ZNF578: variants seen among roughly 807,000 people sequenced by gnomAD.
ZNF578 encodes the protein Putative chemokine-related protein B42.
A neutral mutation model predicts 8.3 loss-of-function variants in ZNF578; 8 were observed. The ratio of observed to expected loss-of-function variants is 0.96; its 90% CI spans 0.56 to 1.74. The LOEUF is 1.74. Among genes scored for constraint, ZNF578 ranks in the 40% most tolerant of loss-of-function variants. ZNF578 has a pLI of 0.00. For missense variants in ZNF578, 726 were observed against 707.5 expected (o/e 1.03, Z -0.30); for synonymous variants, 206 against 232.2 (o/e 0.89, Z 1.03).
intron 3 of ZNF578, among the ~76,000 whole-genome samples, chr19:52,492,157 C>CAAAAAAAAAAA (rs869249180): frequency 1.5e-5 from 1 of 67,638 alleles, no homozygotes; most frequent in African/African-American, 5.1e-5. Context: ...GATTCTGTCT[C>CAAAAAAAAAAA]AAAAAAAAAA....
intron 5 of ZNF578, among the ~76,000 whole-genome samples, chr19:52,509,539 A>G (rs2059437010): frequency 6.6e-6 from 1 of 152,222 alleles, no homozygotes; most frequent in Non-Finnish European, 1.5e-5. Flanking sequence ...CGGCAATCCC[A>G]GAAATTTGGG....
At chr19:52,474,496 A>C in intron 2 of ZNF578, 1 of 311,132 alleles carries the variant, frequency 3.2e-6, no homozygotes, top group Admixed American at 4.3e-5. Flanking sequence ...AGTATGAATT[A>C]TCCAATGTTC....
In ZNF578 at chr19:52,511,200, C is replaced by A. The variant is rs2059444329; in HGVS notation, c.819C>A (p.Tyr273Ter). Residue 273 changes from tyrosine to a stop codon, truncating the protein, a stop_gained, in exon 6 of 6, where the codon TAC (tyrosine) becomes TAA (stop). Coordinates refer to ENST00000421239, the MANE Select transcript of ZNF578 (RefSeq NM_001099694.2). LOFTEE classifies it low-confidence loss of function (END_TRUNC). ...GCAAAGTCTTTAATGAGAAGCGATA[C>A]CTTGCACGCCATCGTAGATGTCACA... ...ICGKVFNEKR[Y>*]LARHRRCHTS... The A allele has an allele frequency of 5.6e-6, 9 of 1,614,210 alleles. No homozygotes were observed. The highest frequency in any genetic ancestry group is 1.1e-5 in the South Asian group (1 of 91,088).
intron 2 of ZNF578, among the ~76,000 whole-genome samples, chr19:52,462,494 G>T (rs2059261865): frequency 6.6e-6 from 1 of 152,218 alleles, no homozygotes; most frequent in Admixed American, 6.5e-5. Context: ...GCAGGAATGG[G>T]ACATATGCCC....
chr19:52,470,771 T>G (rs7247289), intron 2 of ZNF578, among the ~76,000 whole-genome samples: 1 of 151,792 alleles, frequency 6.6e-6, no homozygotes, highest in African/African-American at 2.4e-5. Context: ...CTTCGGACTC[T>G]GAGGCTTGCA....
At chr19:52,460,586 G>A (rs145169813) in intron 2 of ZNF578, among the ~76,000 whole-genome samples, 18 of 152,264 alleles carry the variant, frequency 1.2e-4, no homozygotes, top group Admixed American at 3.3e-4. Context: ...CTCCCATTCC[G>A]TAGGTTTGCC....
At chr19:52,502,044 T>A in intron 4 of ZNF578, 136 bp downstream of exon 4, 6 of 1,369,178 alleles carry the variant, frequency 4.4e-6, no homozygotes, top group Non-Finnish European at 5.9e-6. Context: ...CACGTTTGCT[T>A]GCACTCACCC....
chr19:52,513,637 G>A lies in ZNF578; in HGVS notation c.*1483G>A, dbSNP rs1290747916. On this transcript the variant is annotated 3_prime_UTR_variant, in exon 6 of 6. Transcript: ENST00000421239. ...CTCAGCTACTCAGGGGGCTGAGGCT[G>A]GACAATGGTGTGAACCCAGGAGGCG... Among the ~76,000 whole-genome samples, 4 of 151,524 alleles carry A rather than the reference G, an allele frequency of 2.6e-5. No individual in the cohort carries two copies. Among genetic ancestry groups the A allele is most frequent in the African/African-American group, 9.7e-5 (4 of 41,192 alleles).
chr19:52,509,190 G>T (rs1455400347), intron 5 of ZNF578, among the ~76,000 whole-genome samples: 2 of 152,072 alleles, frequency 1.3e-5, no homozygotes, highest in Middle Eastern at 3.4e-3. Flanking sequence ...GTTGTGAGTC[G>T]TCGTGCCCAG....
At chr19:52,464,770 A>G (rs1252269167) in intron 2 of ZNF578, among the ~76,000 whole-genome samples, 1 of 152,260 alleles carries the variant, frequency 6.6e-6, no homozygotes, top group African/African-American at 2.4e-5. Context: ...GTGACTGTTT[A>G]ACATATCCTG....
chr19:52,467,406 G>GA (rs2059278734), intron 2 of ZNF578, among the ~76,000 whole-genome samples: 1 of 151,920 alleles, frequency 6.6e-6, no homozygotes, highest in South Asian at 2.1e-4. Flanking sequence ...ACTCCAGCCT[G>GA]GGCAACAAGA....
intron 2 of ZNF578, among the ~76,000 whole-genome samples, chr19:52,460,440 T>G (rs1037656307): frequency 6.6e-6 from 1 of 152,216 alleles, no homozygotes; most frequent in Non-Finnish European, 1.5e-5. Flanking sequence ...GTTGGCCATA[T>G]TGTCATCTTC....
intron 2 of ZNF578, among the ~76,000 whole-genome samples, chr19:52,475,681 A>G (rs369394153): frequency 1.6e-4 from 25 of 152,252 alleles, no homozygotes; most frequent in African/African-American, 5.8e-4. Flanking sequence ...AATATCCCCT[A>G]ATAGCTGTTG....
intron 4 of ZNF578, among the ~76,000 whole-genome samples, chr19:52,502,397 T>C (rs1303702147): frequency 6.6e-6 from 1 of 152,150 alleles, no homozygotes. Flanking sequence ...GCCACACTAG[T>C]AGATCAAGAT....
chr19:52,483,334 G>C (rs1308211588), intron 2 of ZNF578, among the ~76,000 whole-genome samples: 2 of 152,140 alleles, frequency 1.3e-5, no homozygotes, highest in African/African-American at 4.8e-5. Context: ...AGAATTGCTT[G>C]AACCCGGGAA....
chr19:52,511,005 T>C lies in ZNF578; in HGVS notation c.624T>C (p.Tyr208=). ...CTGAAACACATACTCCTAATAACTATGGGAATAATTTTTTCCATTCATCAT... is the reference window on the plus strand; with the variant it reads ...CTGAAACACATACTCCTAATAACTACGGGAATAATTTTTTCCATTCATCAT... ...CRPETHTPNN[Y]GNNFFHSSLL... Residue 208 remains tyrosine (Y), a synonymous_variant, in exon 6 of 6, where the codon TAT becomes TAC. Coordinates refer to ENST00000421239, the MANE Select transcript of ZNF578 (RefSeq NM_001099694.2). The C allele has an allele frequency of 6.2e-7, 1 of 1,614,188 alleles. No individual in the cohort carries two copies. Among genetic ancestry groups the C allele is most frequent in the Non-Finnish European group, 8.5e-7 (1 of 1,180,042 alleles).
intron 2 of ZNF578, among the ~76,000 whole-genome samples, chr19:52,478,682 G>T (rs753159550): frequency 2.3e-4 from 35 of 151,934 alleles, no homozygotes; most frequent in Non-Finnish European, 3.7e-4. Flanking sequence ...CAACTTTAAG[G>T]CCTGCTTGAT....
Position 52,511,562 on chromosome 19 carries a change from C to T in ZNF578, c.1181C>T (p.Thr394Ile). 6.2e-7 allele frequency: 1 copy of T among 1,612,940 alleles called. No homozygotes were observed. The highest frequency in any genetic ancestry group is 8.5e-7 in the Non-Finnish European group (1 of 1,178,930). The change falls in exon 6 of 6, where the codon ACT (threonine) becomes ATT (isoleucine). Residue 394 changes from threonine to isoleucine, a missense_variant. Transcript: ENST00000421239. ...CTTGTAATTCATAAGGCAATTCATACTGGAGAGAAACCTTACAAGTGTAAT... is the reference window on the plus strand; with the variant it reads ...CTTGTAATTCATAAGGCAATTCATATTGGAGAGAAACCTTACAAGTGTAAT... ...STLVIHKAIH[T>I]GEKPYKCNEC...
Position 52,501,818 on chromosome 19 carries a change from C to T in ZNF578, c.-19-9C>T. On this transcript the variant is annotated splice_polypyrimidine_tract_variant and intron_variant, in intron 3 of 5. Transcript: ENST00000421239. ...CTAACCTGAAGTCTTATTTTTCTTC[C>T]ACATACAGGATTGATTTCTAAAGAC... 1 of 1,609,784 alleles carries T rather than the reference C, an allele frequency of 6.2e-7. No homozygotes were observed. Among genetic ancestry groups the T allele is most frequent in the South Asian group, 1.1e-5 (1 of 90,498 alleles).
Sources: gnomAD v4.1 joint callset for allele counts (sites outside exome capture counted in the v4.1 genomes callset) on GRCh38, gnomAD v4.1.1 for gene constraint, MANE v1.5 for transcripts, NCBI Gene and HGNC (gene_info 2026-07-23, HGNC 2026-07-21) for gene names.